RGS20: variants seen among roughly 807,000 people sequenced by gnomAD.
The protein encoded by RGS20 is gz-selective GTPase-activating protein.
A neutral mutation model predicts 33.6 loss-of-function variants in RGS20; 30 were observed. That is an observed-to-expected ratio of 0.89 (90% CI 0.67 to 1.21). RGS20 has a LOEUF of 1.21. Among genes scored for constraint, RGS20 ranks in the 50% most tolerant of loss-of-function variants. The pLI is 0.00. For missense variants in RGS20, 472 were observed against 502.4 expected, an observed-to-expected ratio of 0.94 and a Z score of 0.58; for synonymous variants, 208 against 197.9, an observed-to-expected ratio of 1.05 and a Z score of -0.43.
At chr8:53,863,622 C>A (rs553904286) in intron 1 of RGS20, among the ~76,000 whole-genome samples, 1 of 152,118 alleles carries the variant, frequency 6.6e-6, no homozygotes, top group Non-Finnish European at 1.5e-5. Context: ...TACACCCTGC[C>A]ACCAAGCAAG....
intron 2 of RGS20, among the ~76,000 whole-genome samples, chr8:53,915,443 T>C (rs1813458075): frequency 6.6e-6 from 1 of 152,194 alleles, no homozygotes; most frequent in Non-Finnish European, 1.5e-5. Context: ...TCCCCACTCC[T>C]GCCTGACCTC....
chr8:53,852,288 A>T (rs1811583842), intron 1 of RGS20, among the ~76,000 whole-genome samples: 1 of 152,172 alleles, frequency 6.6e-6, no homozygotes, highest in African/African-American at 2.4e-5. Flanking sequence ...ACCAAAATAA[A>T]TTATTATGTA....
At chr8:53,869,556 G>A (rs1563345291) in intron 1 of RGS20, among the ~76,000 whole-genome samples, 1 of 151,982 alleles carries the variant, frequency 6.6e-6, no homozygotes, top group African/African-American at 2.4e-5. Context: ...GGTGCCTGTA[G>A]TCCCAGCTAC....
intron 2 of RGS20, chr8:53,880,129 C>G (rs1812318772): frequency 6.5e-6 from 1 of 152,808 alleles, no homozygotes; most frequent in Admixed American, 6.5e-5. Context: ...ACGCTGCGGG[C>G]TACGGGGACA....
intron 4 of RGS20, among the ~76,000 whole-genome samples, chr8:53,947,385 A>ATATATGCTATATATAAGATATAGTACATT (rs1814532662): frequency 3.8e-5 from 3 of 79,498 alleles, no homozygotes; most frequent in South Asian, 4.4e-4. Context: ...TAGTATATTT[A>ATATATGCTATATATAAGATATAGTACATT]TATATGCTAT....
At chr8:53,917,373 TCCTGACCTCAGGTGATCCG>T (rs1367968445) in intron 2 of RGS20, among the ~76,000 whole-genome samples, 7 of 152,196 alleles carry the variant, frequency 4.6e-5, no homozygotes, top group African/African-American at 1.7e-4. Context: ...GGTCTGGAAC[TCCTGACCTCAGGTGATCCG>T]CCTGCCTCAG....
At chr8:53,864,475 T>C (rs557210170) in intron 1 of RGS20, among the ~76,000 whole-genome samples, 1 of 152,136 alleles carries the variant, frequency 6.6e-6, no homozygotes, top group South Asian at 2.1e-4. Context: ...AGTTTTTCTT[T>C]TAAAAGCCTG....
Position 53,954,296 on chromosome 8 carries a change from C to A in RGS20, c.964C>A (p.Leu322Ile), listed in dbSNP as rs1814796813. Residue 322 changes from leucine (L) to isoleucine (I), a missense_variant, in exon 5 of 6, where the codon CTT becomes ATT. Leu to Ile is a conservative substitution (Grantham distance 5, BLOSUM62 2). This residue lies in a region of RGS20 where 125 missense variants were observed against 169.5 expected (regional missense o/e 0.74). Transcript: ENST00000297313. ...AATCTATGAAGACTACATTTCTATA[C>A]TTTCTCCTAAGGAGGTATGTGACCA... is the stretch of plus-strand genomic sequence containing the variant. 1 of 1,604,652 alleles carries A rather than the reference C, an allele frequency of 6.2e-7. No homozygotes were observed. Among genetic ancestry groups the A allele is most frequent in the African/African-American group, 1.3e-5 (1 of 74,750 alleles).
intron 4 of RGS20, among the ~76,000 whole-genome samples, chr8:53,953,777 G>A (rs1814779878): frequency 6.6e-6 from 1 of 152,066 alleles, no homozygotes; most frequent in African/African-American, 2.4e-5. Context: ...TACATTTACA[G>A]TTTTTAAAAT....
intron 1 of RGS20, among the ~76,000 whole-genome samples, chr8:53,858,121 T>C (rs1811721179): frequency 6.6e-6 from 1 of 152,236 alleles, no homozygotes; most frequent in Non-Finnish European, 1.5e-5. Context: ...ACTTGGACAA[T>C]CCCTTACATT....
chr8:53,876,445 A>G (rs1490108182), intron 1 of RGS20: 2 of 152,258 alleles, frequency 1.3e-5, no homozygotes, highest in African/African-American at 4.8e-5. Context: ...CAGTGCTTCC[A>G]GGAATACGGT....
At chr8:53,888,801 C>T (rs958854554) in intron 2 of RGS20, among the ~76,000 whole-genome samples, 1 of 152,226 alleles carries the variant, frequency 6.6e-6, no homozygotes, top group African/African-American at 2.4e-5. Context: ...TGCTTTTAAA[C>T]TTCATATGTA....
chr8:53,869,145 T>C (rs1259228776), intron 1 of RGS20, among the ~76,000 whole-genome samples: 3 of 152,232 alleles, frequency 2.0e-5, no homozygotes, highest in Non-Finnish European at 4.4e-5. Context: ...TTTTCTGATA[T>C]CAAATGTAAC....
chr8:53,935,619 TACCA>T (rs2129289497), intron 2 of RGS20, among the ~76,000 whole-genome samples: 1 of 152,188 alleles, frequency 6.6e-6, no homozygotes, highest in South Asian at 2.1e-4. Context: ...ATTAATAGCC[TACCA>T]ACCAAAAAAA....
intron 5 of RGS20, among the ~76,000 whole-genome samples, chr8:53,955,288 C>T (rs1461432758): frequency 1.3e-5 from 2 of 151,806 alleles, no homozygotes; most frequent in Non-Finnish European, 2.9e-5. Context: ...CCTGGAGTCT[C>T]CATTTGACAC....
intron 2 of RGS20, among the ~76,000 whole-genome samples, chr8:53,911,547 T>C: frequency 8.0e-6 from 1 of 125,644 alleles, no homozygotes; most frequent in African/African-American, 4.4e-5. Context: ...TCTGAAAAAA[T>C]ATAAATTTAA....
rs372375086 is a variant in RGS20 at position 53,865,800 on chromosome 8, G to T, written c.166-13458G>T. Reference sequence around the variant, plus strand: ...TTTATCCATTTTTAGTGGAGATGGGGCTTCTCTGTTTTGGCCAGGCTGGTC... The same window carrying T: ...TTTATCCATTTTTAGTGGAGATGGGTCTTCTCTGTTTTGGCCAGGCTGGTC... On this transcript the variant is annotated intron_variant, in intron 1 of 5. Transcript: ENST00000297313. Among the ~76,000 whole-genome samples, 6 of 152,144 alleles carry T rather than the reference G, an allele frequency of 3.9e-5. No homozygotes were observed. In the East Asian group the frequency reaches 9.6e-4, roughly 24 times the overall value.
At chr8:53,857,374 C>G (rs1346504861) in intron 1 of RGS20, among the ~76,000 whole-genome samples, 4 of 152,120 alleles carry the variant, frequency 2.6e-5, no homozygotes, top group Admixed American at 6.5e-5. Flanking sequence ...ACTTGGTCTT[C>G]CTTTGATGGA....
intron 2 of RGS20, among the ~76,000 whole-genome samples, chr8:53,883,421 C>G (rs1348793535): frequency 1.3e-5 from 2 of 152,058 alleles, no homozygotes; most frequent in Non-Finnish European, 2.9e-5. Context: ...GCCTCCGCCT[C>G]CCAAAGTTCT....
Sources: allele counts gnomAD v4.1 joint callset (sites outside exome capture counted in the v4.1 genomes callset), GRCh38; gene constraint gnomAD v4.1.1; regional missense constraint gnomAD v4.1.1; transcripts MANE v1.5; gene names NCBI Gene and HGNC (gene_info 2026-07-23, HGNC 2026-07-21).